WWOX: variants seen among roughly 807,000 people sequenced by gnomAD.
The protein encoded by WWOX is WW domain containing oxidoreductase.
WWOX carries 69 observed loss-of-function variants against 46.2 expected under a neutral mutation model. The observed-to-expected ratio is 1.49, with a 90% CI of 1.23 to 1.82. The LOEUF (loss-of-function observed/expected upper bound fraction) is 1.82. Ranked by LOEUF, WWOX falls within the 40% of genes most tolerant of loss-of-function variation. The pLI, the probability that WWOX is intolerant of heterozygous loss-of-function variation, is 0.00. For missense variants in WWOX, 919 were observed against 542.6 expected, an observed-to-expected ratio of 1.69 and a Z score of -6.89; for synonymous variants, 359 against 202.6, an observed-to-expected ratio of 1.77 and a Z score of -6.56.
intron 8 of WWOX, among the ~76,000 whole-genome samples, chr16:78,681,446 A>G (rs1217343117): frequency 1.3e-5 from 2 of 152,072 alleles, no homozygotes; most frequent in Admixed American, 6.6e-5. Context: ...ACATTCATCT[A>G]TAAAACAATA....
chr16:78,797,182 G>T (rs1025938902), intron 8 of WWOX, among the ~76,000 whole-genome samples: 1 of 151,830 alleles, frequency 6.6e-6, no homozygotes, highest in Non-Finnish European at 1.5e-5. Flanking sequence ...CTGCCTCATT[G>T]GATGTGGAAG....
At chr16:78,499,189 G>A (rs1041557576) in intron 8 of WWOX, among the ~76,000 whole-genome samples, 1 of 151,980 alleles carries the variant, frequency 6.6e-6, no homozygotes, top group Non-Finnish European at 1.5e-5. Context: ...ACTTGAAGGT[G>A]TCCACGCTGG....
At position 78,991,600 on chromosome 16, in the gene WWOX, C is replaced by CAAAA. The variant is rs57514915; in HGVS notation, c.1057-219996_1057-219993dup. On this transcript the variant is annotated intron_variant, in intron 8 of 8. Transcript: ENST00000566780. ...TGGGAGACACAGCAAGACCTTGTCT[C>CAAAA]AAAAAAAAAAAAAAAGCCAGATTCT... is the stretch of plus-strand genomic sequence containing the variant. 3.6e-3 allele frequency among the ~76,000 whole-genome samples: 285 copies of CAAAA among 78,160 alleles called. 19 individuals are homozygous for CAAAA. Among genetic ancestry groups the CAAAA allele is most frequent in the Middle Eastern group, 8.9e-3 (1 of 112 alleles). 51.3% of individuals were successfully genotyped at this position (78,160 alleles called of 152,430 possible). A position where few individuals can be genotyped will look rare whatever the true frequency, so the allele number is the denominator to read the frequency against.
chr16:78,170,030 C>G (rs1276859003), intron 5 of WWOX, among the ~76,000 whole-genome samples: 1 of 152,130 alleles, frequency 6.6e-6, no homozygotes, highest in Non-Finnish European at 1.5e-5. Context: ...GCAGGTGGCT[C>G]TCCCTTAGAG....
chr16:78,174,110 T>C (rs1466890574), intron 5 of WWOX, among the ~76,000 whole-genome samples: 1 of 152,228 alleles, frequency 6.6e-6, no homozygotes, highest in African/African-American at 2.4e-5. Context: ...ATAATAATTT[T>C]GGAGGGACAC....
chr16:78,501,359 G>T (rs1417617560), intron 8 of WWOX, among the ~76,000 whole-genome samples: 1 of 151,790 alleles, frequency 6.6e-6, no homozygotes, highest in African/African-American at 2.4e-5. Flanking sequence ...AGCTTAAGAT[G>T]ACCTCCTCTA....
chr16:78,144,523 A>ATATATATTTT (rs1198739687), intron 4 of WWOX, among the ~76,000 whole-genome samples: 4 of 18,634 alleles, frequency 2.1e-4, no homozygotes, highest in African/African-American at 1.1e-3. Context: ...ATATATATAT[A>ATATATATTTT]TTTTTTTTTT....
chr16:78,224,050 C>T (rs1261349187), intron 5 of WWOX, among the ~76,000 whole-genome samples: 1 of 152,126 alleles, frequency 6.6e-6, no homozygotes, highest in African/African-American at 2.4e-5. Context: ...GTTGCCCAGG[C>T]AGGAATGCAG....
At chr16:78,492,670 A>T (rs185575734) in intron 8 of WWOX, among the ~76,000 whole-genome samples, 2 of 152,304 alleles carry the variant, frequency 1.3e-5, no homozygotes, top group East Asian at 3.9e-4. Flanking sequence ...GCTTTGAGAA[A>T]TTCTGTTTTG....
At chr16:78,679,995 C>G (rs1411844344) in intron 8 of WWOX, among the ~76,000 whole-genome samples, 1 of 152,258 alleles carries the variant, frequency 6.6e-6, no homozygotes, top group Non-Finnish European at 1.5e-5. Flanking sequence ...CTACCACTAA[C>G]TGACTCCATG....
chr16:78,599,754 C>T (rs962760066), intron 8 of WWOX, among the ~76,000 whole-genome samples: 6 of 152,034 alleles, frequency 3.9e-5, no homozygotes, highest in South Asian at 2.1e-4. Context: ...TTGTTACCCC[C>T]GGGAGACTGG....
intron 8 of WWOX, among the ~76,000 whole-genome samples, chr16:78,795,779 G>C (rs2737298): frequency 0.86 from 130,083 of 152,094 alleles, 57,154 homozygotes; most frequent in Non-Finnish European, 0.96. Flanking sequence ...CTGACATCTA[G>C]CTAATGTCCT....
At chr16:78,351,179 C>T (rs949122638) in intron 5 of WWOX, among the ~76,000 whole-genome samples, 6 of 152,166 alleles carry the variant, frequency 3.9e-5, no homozygotes, top group Non-Finnish European at 8.8e-5. Context: ...ATACCAAGAG[C>T]TTACAGAGAT....
At chr16:78,161,240 ACTTTTT>A (rs1219872540) in intron 4 of WWOX, among the ~76,000 whole-genome samples, 6 of 151,904 alleles carry the variant, frequency 3.9e-5, no homozygotes, top group Non-Finnish European at 8.8e-5. Context: ...AGTCTGACAA[ACTTTTT>A]CTTTTAATTG....
At chr16:79,000,795 C>A (rs1437244795) in intron 8 of WWOX, among the ~76,000 whole-genome samples, 1 of 152,176 alleles carries the variant, frequency 6.6e-6, no homozygotes, top group African/African-American at 2.4e-5. Context: ...CCTCTAAAAG[C>A]CCCTTTCTTG....
At chr16:78,783,319 C>T (rs779975655) in intron 8 of WWOX, among the ~76,000 whole-genome samples, 3 of 152,198 alleles carry the variant, frequency 2.0e-5, no homozygotes, top group Non-Finnish European at 4.4e-5. Flanking sequence ...TGAAACATGC[C>T]ATGGCCAGTG....
At chr16:78,315,843 T>A (rs2080346660) in intron 5 of WWOX, among the ~76,000 whole-genome samples, 1 of 152,086 alleles carries the variant, frequency 6.6e-6, no homozygotes, top group Non-Finnish European at 1.5e-5. Flanking sequence ...ACATAGAAGA[T>A]AAGAAAAATC....
intron 1 of WWOX, among the ~76,000 whole-genome samples, chr16:78,102,539 T>C (rs1166511726): frequency 6.6e-6 from 1 of 152,182 alleles, no homozygotes; most frequent in African/African-American, 2.4e-5. Context: ...GGAGGCAAGC[T>C]CCTGAGCGGG....
At chr16:78,682,361 T>A (rs12149047) in intron 8 of WWOX, among the ~76,000 whole-genome samples, 2,050 of 152,288 alleles carry the variant, frequency 0.013, 23 homozygotes, top group South Asian at 0.04. Flanking sequence ...CTCAGTTTTT[T>A]TGTACCAGTG....
Sources: gnomAD v4.1 joint callset for allele counts (sites outside exome capture counted in the v4.1 genomes callset) on GRCh38, gnomAD v4.1.1 for gene constraint, MANE v1.5 for transcripts, NCBI Gene and HGNC (gene_info 2026-07-23, HGNC 2026-07-21) for gene names.